The following C16orf74 variants were observed in gnomAD, a reference collection of about 807,000 sequenced individuals.
The protein encoded by C16orf74 is uncharacterized protein C16orf74.
In C16orf74, 10 loss-of-function variants were observed where a neutral mutation model predicts 6.5. The observed-to-expected ratio is 1.54, with a 90% CI of 0.95 to 2.61. The LOEUF (loss-of-function observed/expected upper bound fraction) is 2.61. C16orf74 is among the 30% of genes most tolerant of loss of function. The probability of loss-of-function intolerance (pLI) is 0.00; values close to 1 mark genes in which losing one functional copy is unlikely to be tolerated. For synonymous variants in C16orf74, 60 were observed against 42.5 expected, an observed-to-expected ratio of 1.41 and a Z score of -1.60; for missense variants, 141 against 105.9, an observed-to-expected ratio of 1.33 and a Z score of -1.45.
intron 1 of C16orf74, among the ~76,000 whole-genome samples, chr16:85,736,114 G>A (rs408988): frequency 0.64 from 97,564 of 152,016 alleles, 32,510 homozygotes; most frequent in East Asian, 0.8. Context: ...GCAACAGTCC[G>A]TGGGAGGAAC....
intron 2 of C16orf74, among the ~76,000 whole-genome samples, chr16:85,725,989 C>A (rs1032705762): frequency 1.3e-5 from 2 of 152,206 alleles, no homozygotes; most frequent in East Asian, 3.9e-4. Context: ...GCCTCCATAC[C>A]TGCCTCCTCG....
chr16:85,736,736 G>C (rs1045723157), intron 1 of C16orf74, among the ~76,000 whole-genome samples: 1 of 152,200 alleles, frequency 6.6e-6, no homozygotes, highest in Non-Finnish European at 1.5e-5. Context: ...TTTATCTCAA[G>C]ACTTCACTTT....
chr16:85,748,622 A>G (rs2054400618), intron 1 of C16orf74, among the ~76,000 whole-genome samples: 1 of 152,144 alleles, frequency 6.6e-6, no homozygotes, highest in South Asian at 2.1e-4. Flanking sequence ...AAAACCCAAA[A>G]GAGTTATTAT....
At chr16:85,725,784 T>C (rs2054127023) in intron 2 of C16orf74, among the ~76,000 whole-genome samples, 1 of 152,126 alleles carries the variant, frequency 6.6e-6, no homozygotes, top group Admixed American at 6.5e-5. Flanking sequence ...TTCTATTCTT[T>C]GTAGAGATGG....
chr16:85,744,629 G>T (rs1209786084), intron 1 of C16orf74, among the ~76,000 whole-genome samples: 1 of 151,804 alleles, frequency 6.6e-6, no homozygotes, highest in South Asian at 2.1e-4. Context: ...AGGAGATCGA[G>T]ACCATCCTGG....
rs564883917 is a variant in C16orf74, at chr16:85,736,674, T to C, written c.-18-1439A>G. On this transcript the variant is annotated intron_variant, in intron 1 of 3. Coordinates refer to ENST00000284245, the MANE Select transcript of C16orf74 (RefSeq NM_206967.3). ...GGTCTCTGGAGCTTCCCCATTGCAC[T>C]AGCTGGGCCAGGTCCCAGCTTGGCA... 2.0e-5 allele frequency among the ~76,000 whole-genome samples: 3 copies of C among 152,308 alleles called. No individual in the cohort carries two copies. The South Asian group carries it at 6.2e-4, about 32-fold the overall frequency.
At chr16:85,710,063 G>C (rs1326425208) in intron 3 of C16orf74, 101 bp downstream of exon 3, 1 of 1,002,484 alleles carries the variant, frequency 1.0e-6, no homozygotes, top group Admixed American at 4.2e-5. Context: ...GGGAGGTGGG[G>C]ACGCAAGCTA....
At chr16:85,712,617 T>C (rs2053981397) in intron 2 of C16orf74, among the ~76,000 whole-genome samples, 1 of 152,194 alleles carries the variant, frequency 6.6e-6, no homozygotes, top group Non-Finnish European at 1.5e-5. Flanking sequence ...GGCCAAATTC[T>C]TGGTTCACCT....
chr16:85,725,362 C>A (rs576077805), intron 2 of C16orf74, among the ~76,000 whole-genome samples: 1 of 152,202 alleles, frequency 6.6e-6, no homozygotes, highest in East Asian at 1.9e-4. Flanking sequence ...CCAGTCCCCA[C>A]CGCAGCCCCA....
chr16:85,743,729 GC>G (rs1477955532), intron 1 of C16orf74: 2 of 152,046 alleles, frequency 1.3e-5, no homozygotes, highest in African/African-American at 4.8e-5. Context: ...GACCAGCCTG[GC>G]CAACACGGAG....
intron 3 of C16orf74, among the ~76,000 whole-genome samples, chr16:85,708,697 A>G (rs192941443): frequency 3.9e-5 from 6 of 152,296 alleles, no homozygotes; most frequent in African/African-American, 1.2e-4. Context: ...CATTGCACCC[A>G]CCATGGCTCC....
At chr16:85,750,741 A>G (rs2054428496) in intron 1 of C16orf74, among the ~76,000 whole-genome samples, 185 bp downstream of exon 1, 2 of 152,154 alleles carry the variant, frequency 1.3e-5, no homozygotes, top group Non-Finnish European at 2.9e-5. Context: ...GTGTCTCCGC[A>G]GCAAAGTCTG....
At chr16:85,737,340 A>G (rs1211408161) in intron 1 of C16orf74, among the ~76,000 whole-genome samples, 2 of 152,168 alleles carry the variant, frequency 1.3e-5, no homozygotes, top group Non-Finnish European at 2.9e-5. Flanking sequence ...CAGAACCTGC[A>G]TCCACACTAC....
chr16:85,726,598 T>G (rs944726049), intron 2 of C16orf74, among the ~76,000 whole-genome samples: 1 of 152,194 alleles, frequency 6.6e-6, no homozygotes, highest in Non-Finnish European at 1.5e-5. Context: ...GTGCTTGACC[T>G]TGGCTATTTT....
At chr16:85,730,026 C>A (rs188564090) in intron 2 of C16orf74, among the ~76,000 whole-genome samples, 162 of 152,284 alleles carry the variant, frequency 1.1e-3, no homozygotes, top group Middle Eastern at 3.4e-3. Context: ...AAGTCGGGTG[C>A]CATCGACACA....
In C16orf74 at chr16:85,744,844, A is replaced by AAC. The variant is rs1555589105; in HGVS notation, c.-19+6081_-19+6082insGT. Among the ~76,000 whole-genome samples the AAC allele has an allele frequency of 1.4e-3, 191 of 139,132 alleles. 4 individuals are homozygous for AAC. Among genetic ancestry groups the AAC allele is most frequent in the Middle Eastern group, 3.8e-3 (1 of 262 alleles). The allele number at this position is 139,132 out of a possible 152,430, so 91.3% of individuals were successfully genotyped here. A position where few individuals can be genotyped will look rare whatever the true frequency, so the allele number is the denominator to read the frequency against. ...GACTCCATCTCAAAAAAAAAAAAAA[A>AAC]AAAAAACTCTCCGTCAGCCGGGTGC... On this transcript the variant is annotated intron_variant, in intron 1 of 3. Coordinates refer to ENST00000284245, the MANE Select transcript of C16orf74 (RefSeq NM_206967.3).
chr16:85,738,122 G>A lies in C16orf74; in HGVS notation c.-18-2887C>T, dbSNP rs532204487. Among the ~76,000 whole-genome samples, 252 of 152,038 alleles carry A rather than the reference G, an allele frequency of 1.7e-3. 1 individual carries two copies. In the Middle Eastern group the frequency reaches 0.031, roughly 18 times the overall value. On this transcript the variant is annotated intron_variant, in intron 1 of 3. Transcript: ENST00000284245. ...TAGTCAAGTGTGGTGGCCTGTGCCT[G>A]TAGTCCCAGCTACTCAGGAGGCTGA...
chr16:85,720,125 G>A (rs1164241474), intron 2 of C16orf74, among the ~76,000 whole-genome samples: 3 of 151,938 alleles, frequency 2.0e-5, no homozygotes. Context: ...AGCTCTTGGC[G>A]GTTTTACCTT....
intron 1 of C16orf74, among the ~76,000 whole-genome samples, chr16:85,746,960 G>A (rs903052935): frequency 6.6e-6 from 1 of 152,094 alleles, no homozygotes; most frequent in African/African-American, 2.4e-5. Flanking sequence ...CTTAGCCACG[G>A]TCCTGCGGGG....
Sources: gnomAD v4.1 joint callset for allele counts (sites outside exome capture counted in the v4.1 genomes callset) on GRCh38, gnomAD v4.1.1 for gene constraint, MANE v1.5 for transcripts, NCBI Gene and HGNC (gene_info 2026-07-23, HGNC 2026-07-21) for gene names.